The following COL20A1 variants were observed in gnomAD, a reference collection of about 807,000 sequenced individuals.
The protein encoded by COL20A1 is collagen alpha-1(XX) chain.
A neutral mutation model predicts 152.9 loss-of-function variants in COL20A1; 164 were observed. The observed-to-expected ratio is 1.07, with a 90% CI of 0.94 to 1.22. The LOEUF (loss-of-function observed/expected upper bound fraction) is 1.22. Among genes scored for constraint, COL20A1 ranks in the 50% most tolerant of loss-of-function variants. COL20A1 has a pLI of 0.00. For synonymous variants in COL20A1, 864 were observed against 756.0 expected (o/e 1.14, Z -2.34); for missense variants, 1,873 against 1,744.8 (o/e 1.07, Z -1.31).
At position 63,311,706 on chromosome 20, in the gene COL20A1, G is replaced by T; in HGVS notation, c.1621G>T (p.Gly541Cys). 6.2e-7 allele frequency: 1 copy of T among 1,604,164 alleles called. No homozygotes were observed. Reference sequence around the variant, plus strand: ...TGAGGTCTCGGTGCAGAGCCTGCGAGGCCCTGAGGGCAGCGAGGCCCGGGG... The same window carrying T: ...TGAGGTCTCGGTGCAGAGCCTGCGATGCCCTGAGGGCAGCGAGGCCCGGGG... ...DYEVSVQSLR[G>C]PEGSEARGIR... is the part of the protein sequence containing the mutation. The change falls in exon 13 of 36, where the codon GGC (glycine) becomes TGC (cysteine). Residue 541 changes from glycine (G) to cysteine (C), a missense_variant. Coordinates refer to ENST00000358894, the MANE Select transcript of COL20A1 (RefSeq NM_020882.4). This position sits in a 1 kb window ranked among gnomAD's most constrained non-coding sequence, Gnocchi z 4.4.
chr20:63,314,297 A>T, intron 19 of COL20A1, 96 bp downstream of exon 19: 2 of 1,091,852 alleles, frequency 1.8e-6, no homozygotes, highest in Non-Finnish European at 1.3e-6. Flanking sequence ...CCAACCCCAG[A>T]CCCAGCCAAC....
chr20:63,321,875 G>A (rs950276261), intron 26 of COL20A1, among the ~76,000 whole-genome samples, 183 bp from the exon 27 acceptor site: 1 of 152,292 alleles, frequency 6.6e-6, no homozygotes, highest in Non-Finnish European at 1.5e-5. Flanking sequence ...TGAGAGGGAA[G>A]GATGGGCTAG....
At position 63,329,577 on chromosome 20, in the gene COL20A1, C is replaced by G; in HGVS notation, c.3782-8C>G. On this transcript the variant is annotated splice_polypyrimidine_tract_variant and splice_region_variant and intron_variant, in intron 34 of 35. Coordinates refer to ENST00000358894, the MANE Select transcript of COL20A1 (RefSeq NM_020882.4). ...CTCCGTCCTCACATGCCCTCCCTTTCCTCGCAGGGGAGCCTGGAGCTGTTG... is the reference window on the plus strand; with the variant it reads ...CTCCGTCCTCACATGCCCTCCCTTTGCTCGCAGGGGAGCCTGGAGCTGTTG... The G allele has an allele frequency of 2.5e-6, 4 of 1,608,328 alleles. No individual in the cohort carries two copies. The highest frequency in any genetic ancestry group is 3.4e-6 in the Non-Finnish European group (4 of 1,178,470).
Position 63,306,049 on chromosome 20 carries a change from A to G in COL20A1, c.496+10A>G. On this transcript the variant is annotated intron_variant, in intron 5 of 35. Coordinates refer to ENST00000358894, the MANE Select transcript of COL20A1 (RefSeq NM_020882.4). The surrounding 1 kb of genome is among the most constrained non-coding windows in gnomAD (Gnocchi z 6.9). ...GATCCGCGCACTCCTGGTGGGTCAGAGTGGAGAGAGAGTAAGTCTCCGGGG... is the reference window on the plus strand; with the variant it reads ...GATCCGCGCACTCCTGGTGGGTCAGGGTGGAGAGAGAGTAAGTCTCCGGGG... The G allele has an allele frequency of 6.3e-7, 1 of 1,588,850 alleles. No homozygotes were observed. Among genetic ancestry groups the G allele is most frequent in the South Asian group, 1.1e-5 (1 of 87,594 alleles).
intron 20 of COL20A1, among the ~76,000 whole-genome samples, chr20:63,315,940 G>A (rs923543572): frequency 2.0e-5 from 3 of 152,220 alleles, no homozygotes; most frequent in Admixed American, 6.5e-5. Context: ...ATGGGATTTC[G>A]CCCTTCACTT....
Position 63,319,084 on chromosome 20 carries a change from C to T in COL20A1, c.2690C>T (p.Pro897Leu), listed in dbSNP as rs1201583248. ...GACGTCTACCCAGCCCCCCTACCTC[C>T]AGAGCACACCATCGTCTTCCTTGTG... is the stretch of plus-strand genomic sequence containing the variant. Reference protein sequence around the residue: ...VSDVYPAPLPPEHTIVFLVRL... With the variant: ...VSDVYPAPLPLEHTIVFLVRL... The change falls in exon 22 of 36, where the codon CCA becomes CTA. Residue 897 changes from proline (P) to leucine (L), a missense_variant. Pro to Leu is a moderately conservative substitution (Grantham distance 98, BLOSUM62 -3). Coordinates refer to ENST00000358894, the MANE Select transcript of COL20A1 (RefSeq NM_020882.4). This position sits in a 1 kb window ranked among gnomAD's most constrained non-coding sequence, Gnocchi z 4.4. The T allele has an allele frequency of 6.2e-7, 1 of 1,612,836 alleles. No individual in the cohort carries two copies. Among genetic ancestry groups the T allele is most frequent in the Non-Finnish European group, 8.5e-7 (1 of 1,179,234 alleles).
chr20:63,295,135 G>C lies in COL20A1; in HGVS notation c.28G>C (p.Gly10Arg), dbSNP rs773681956. Reference sequence around the variant, plus strand: ...GAGCTCCGGAGACCCTGCACACCTCGGCCTCTGCCTCTGGCTGTGGCTGGG... The same window carrying C: ...GAGCTCCGGAGACCCTGCACACCTCCGCCTCTGCCTCTGGCTGTGGCTGGG... MSSGDPAHL[G>R]LCLWLWLGAT... The change falls in exon 2 of 36, where the codon GGC becomes CGC. Residue 10 changes from glycine (G) to arginine (R), a missense_variant. Gly to Arg is a moderately radical substitution (Grantham distance 125). Transcript: ENST00000358894. 3 of 1,553,648 alleles carry C rather than the reference G, an allele frequency of 1.9e-6. No homozygotes were observed. The highest frequency in any genetic ancestry group is 2.6e-6 in the Non-Finnish European group (3 of 1,148,884).
chr20:63,325,837 C>T lies in COL20A1; in HGVS notation c.3402+116C>T, dbSNP rs772415395. The T allele has an allele frequency of 3.3e-6, 3 of 920,082 alleles. No individual in the cohort carries two copies. The African/African-American group carries it at 4.9e-5, about 15-fold the overall frequency. 57.0% of individuals were successfully genotyped at this position (920,082 alleles called of 1,614,324 possible). A position where few individuals can be genotyped will look rare whatever the true frequency, so the allele number is the denominator to read the frequency against. On this transcript the variant is annotated intron_variant, in intron 29 of 35. Coordinates refer to ENST00000358894, the MANE Select transcript of COL20A1 (RefSeq NM_020882.4). Reference sequence around the variant, plus strand: ...AGGGGGAGGTGCTTTCTCCTGGGCTCCTGCCTCACCTGCTGCACCACCCCC... The same window carrying T: ...AGGGGGAGGTGCTTTCTCCTGGGCTTCTGCCTCACCTGCTGCACCACCCCC...
At chr20:63,323,974 C>T (rs2068207005) in intron 27 of COL20A1, among the ~76,000 whole-genome samples, 1 of 152,226 alleles carries the variant, frequency 6.6e-6, no homozygotes, top group Non-Finnish European at 1.5e-5. Flanking sequence ...TGAATCTTCT[C>T]ATCCAAAAAC....
At chr20:63,318,752 C>G (rs2068117144) in intron 21 of COL20A1, among the ~76,000 whole-genome samples, 1 of 152,136 alleles carries the variant, frequency 6.6e-6, no homozygotes, top group African/African-American at 2.4e-5. Flanking sequence ...CCTCCTCATT[C>G]AATGGGAGGG....
Position 63,297,052 on chromosome 20 carries a change from G to A in COL20A1, c.83-858G>A, listed in dbSNP as rs879455559. On this transcript the variant is annotated intron_variant, in intron 2 of 35. Transcript: ENST00000358894. ...GGCCTGGACACCCATCCCCCATCGC[G>A]GGAGGCAGCCTCGTCTTGGCATGGA... Among the ~76,000 whole-genome samples the A allele has an allele frequency of 3.9e-5, 6 of 152,332 alleles. No individual in the cohort carries two copies. The East Asian group carries it at 7.7e-4, about 20-fold the overall frequency.
rs555823823 is a variant in COL20A1, at chr20:63,320,039, G to A, written c.2917G>A (p.Val973Met). The A allele has an allele frequency of 1.4e-4, 221 of 1,553,150 alleles. 2 individuals are homozygous for A. In the Middle Eastern group the frequency reaches 2.5e-3, roughly 18 times the overall value. Residue 973 changes from valine (V) to methionine (M), a missense_variant and splice_region_variant, in exon 24 of 36, where the codon GTG becomes ATG. Physicochemically the swap from Val to Met is conservative, Grantham distance 21 (BLOSUM62 1). Coordinates refer to ENST00000358894, the MANE Select transcript of COL20A1 (RefSeq NM_020882.4). The stretch of plus-strand genomic sequence containing the variant: ...GAGAACCTCCCGTGCCGTCTCACAG[G>A]TGCACGTGGCTGTGGGCCGCTCCAA... Reference protein sequence around the residue: ...RKIFFGSFHKVHVAVGRSKVR... With the variant: ...RKIFFGSFHKMHVAVGRSKVR...
chr20:63,309,378 C>T lies in COL20A1; in HGVS notation c.986C>T (p.Pro329Leu), dbSNP rs749535969. 258 of 1,547,678 alleles carry T rather than the reference C, an allele frequency of 1.7e-4. No homozygotes were observed. The highest frequency in any genetic ancestry group is 2.2e-4 in the Non-Finnish European group (253 of 1,142,526). ...DEAELRLLAS[P>L]PRDITVHSVL... ...GCTGAGCTGAGGCTCCTGGCGTCCC[C>T]GCCGAGGGACATCACCGTCCACAGC... Residue 329 changes from proline (P) to leucine (L), a missense_variant, in exon 9 of 36, where the codon CCG (proline) becomes CTG (leucine). Coordinates refer to ENST00000358894, the MANE Select transcript of COL20A1 (RefSeq NM_020882.4).
intron 19 of COL20A1, 60 bp from the exon 20 acceptor site, chr20:63,315,344 C>G: frequency 1.3e-6 from 2 of 1,510,566 alleles, no homozygotes; most frequent in Non-Finnish European, 1.8e-6. Flanking sequence ...CCCCAGCGGT[C>G]TGTCAGGCGT....
chr20:63,298,601 G>C (rs1014375282), intron 3 of COL20A1, among the ~76,000 whole-genome samples: 2 of 149,412 alleles, frequency 1.3e-5, no homozygotes, highest in East Asian at 2.1e-4. Context: ...ATTTTTTAAA[G>C]AAACGACTCC....
intron 8 of COL20A1, 137 bp from the exon 9 acceptor site, chr20:63,309,196 A>C (rs1217005917): frequency 3.3e-6 from 2 of 599,968 alleles, no homozygotes; most frequent in Non-Finnish European, 5.2e-6. Context: ...CTGGCCCAGC[A>C]TGTGGGTGGC....
intron 20 of COL20A1, 51 bp downstream of exon 20, chr20:63,315,490 C>T: frequency 1.3e-6 from 2 of 1,498,904 alleles, no homozygotes; most frequent in Non-Finnish European, 1.8e-6. Flanking sequence ...CTCTCGGGCT[C>T]TTCCTGGGCG....
chr20:63,328,525 G>C, intron 34 of COL20A1, 27 bp downstream of exon 34: 2 of 1,591,616 alleles, frequency 1.3e-6, no homozygotes, highest in Middle Eastern at 1.8e-4. Context: ...TCTTGGGGAG[G>C]GAGTTGTGGC....
rs1203026274 is a variant in COL20A1, at chr20:63,305,470, G to C, written c.247G>C (p.Gly83Arg). ...CACCAAGACCCCTAAGGCCACAGTG[G>C]GGGGCCTGAGCCCCTCCAAGGGCTA... Reference protein sequence around the residue: ...LTTKTPKATVGGLSPSKGYTL... With the variant: ...LTTKTPKATVRGLSPSKGYTL... The change falls in exon 4 of 36, where the codon GGG (glycine) becomes CGG (arginine). Residue 83 changes from glycine to arginine, a missense_variant. Physicochemically the swap from Gly to Arg is moderately radical, Grantham distance 125 (BLOSUM62 -2). Coordinates refer to ENST00000358894, the MANE Select transcript of COL20A1 (RefSeq NM_020882.4). The surrounding 1 kb of genome is among the most constrained non-coding windows in gnomAD (Gnocchi z 4.9). 3 of 1,603,732 alleles carry C rather than the reference G, an allele frequency of 1.9e-6. No individual in the cohort carries two copies. Among genetic ancestry groups the C allele is most frequent in the East Asian group, 2.3e-5 (1 of 44,118 alleles).
Sources: gnomAD v4.1 joint callset for allele counts (sites outside exome capture counted in the v4.1 genomes callset) on GRCh38, gnomAD v4.1.1 for gene constraint, Gnocchi (gnomAD v3.1) non-coding constraint, MANE v1.5 for transcripts, NCBI Gene and HGNC (gene_info 2026-07-23, HGNC 2026-07-21) for gene names.